Variants in KCTD8 observed in about 807,000 individuals in gnomAD.
KCTD8 encodes the protein potassium channel tetramerization domain containing 8, also known as BTB/POZ domain-containing protein KCTD8.
KCTD8 carries 27 observed loss-of-function variants against 31.5 expected under a neutral mutation model. That is an observed-to-expected ratio of 0.86 (90% CI 0.63 to 1.18). The LOEUF (loss-of-function observed/expected upper bound fraction) is 1.18, where lower values mean the gene tolerates loss of function less well. Ranked by LOEUF, KCTD8 falls within the 50% of genes most tolerant of loss-of-function variation. The pLI, the probability that KCTD8 is intolerant of heterozygous loss-of-function variation, is 0.00. For missense variants in KCTD8, 658 were observed against 647.7 expected (o/e 1.02, Z -0.17); for synonymous variants, 290 against 280.0 (o/e 1.04, Z -0.36).
chr4:44,194,448 G>C (rs1428420570), intron 1 of KCTD8, among the ~76,000 whole-genome samples: 1 of 152,120 alleles, frequency 6.6e-6, no homozygotes, highest in Admixed American at 6.5e-5. Flanking sequence ...GTTATGTCAG[G>C]GGTAAATTTG....
At chr4:44,375,506 C>G (rs1339119586) in intron 1 of KCTD8, among the ~76,000 whole-genome samples, 1 of 152,128 alleles carries the variant, frequency 6.6e-6, no homozygotes, top group East Asian at 1.9e-4. Flanking sequence ...TTCCTGGTTT[C>G]TCACTCGGTG....
intron 1 of KCTD8, among the ~76,000 whole-genome samples, chr4:44,431,760 G>A (rs1443549534): frequency 6.6e-6 from 1 of 151,444 alleles, no homozygotes; most frequent in African/African-American, 2.4e-5. Context: ...TGGGATTTGT[G>A]ACCCTAGCAT....
chr4:44,237,041 TAA>T (rs1180064401), intron 1 of KCTD8, among the ~76,000 whole-genome samples: 3 of 152,210 alleles, frequency 2.0e-5, no homozygotes, highest in Non-Finnish European at 4.4e-5. Flanking sequence ...TTTTTCTTTT[TAA>T]ATCACCCAGT....
At chr4:44,257,611 T>C (rs1427983676) in intron 1 of KCTD8, among the ~76,000 whole-genome samples, 1 of 152,056 alleles carries the variant, frequency 6.6e-6, no homozygotes, top group Non-Finnish European at 1.5e-5. Flanking sequence ...CTTAATATAG[T>C]ACTTTTAGCT....
At chr4:44,273,840 T>C (rs1716678536) in intron 1 of KCTD8, among the ~76,000 whole-genome samples, 1 of 151,938 alleles carries the variant, frequency 6.6e-6, no homozygotes, top group African/African-American at 2.4e-5. Context: ...TATAATTATC[T>C]TGTCAATATG....
chr4:44,425,070 A>G (rs1721313134), intron 1 of KCTD8, among the ~76,000 whole-genome samples: 2 of 152,030 alleles, frequency 1.3e-5, no homozygotes, highest in Non-Finnish European at 2.9e-5. Flanking sequence ...TCTGCAAGCC[A>G]CAAAGAGAGG....
chr4:44,175,210 T>G lies in KCTD8; in HGVS notation c.1002A>C (p.Glu334Asp). Residue 334 changes from glutamate to aspartate, a missense_variant, in exon 2 of 2, where the codon GAA becomes GAC. Transcript: ENST00000360029. The stretch of plus-strand genomic sequence containing the variant: ...CAGTGACTTTGTCATGTTTCCTATC[T>G]TCATGTTCTTGTTTAGGTGATACTA... The part of the protein sequence containing the change: ...QKIVSPKQEH[E>D]DRKHDKVTDK... The G allele has an allele frequency of 6.3e-7, 1 of 1,599,930 alleles. No homozygotes were observed. Among genetic ancestry groups the G allele is most frequent in the Non-Finnish European group, 8.5e-7 (1 of 1,173,700 alleles).
intron 1 of KCTD8, among the ~76,000 whole-genome samples, chr4:44,312,000 C>T (rs568536588): frequency 1.3e-5 from 2 of 152,010 alleles, no homozygotes; most frequent in East Asian, 3.9e-4. Flanking sequence ...TTTTATAGTG[C>T]CACTTTCCAC....
At chr4:44,183,879 C>G (rs954671074) in intron 1 of KCTD8, among the ~76,000 whole-genome samples, 1 of 152,160 alleles carries the variant, frequency 6.6e-6, no homozygotes, top group Non-Finnish European at 1.5e-5. Context: ...GTACTAAACT[C>G]AATGATGTGT....
chr4:44,364,812 A>G (rs1173241360), intron 1 of KCTD8, among the ~76,000 whole-genome samples: 2 of 152,150 alleles, frequency 1.3e-5, no homozygotes, highest in African/African-American at 2.4e-5. Flanking sequence ...AAAAGGCTAC[A>G]TGCATGTGAT....
At chr4:44,407,432 G>C (rs376539703) in intron 1 of KCTD8, among the ~76,000 whole-genome samples, 1 of 147,174 alleles carries the variant, frequency 6.8e-6, no homozygotes, top group African/African-American at 2.5e-5. Flanking sequence ...TTGTTGCCCA[G>C]ACTGAGTGCA....
At chr4:44,435,645 T>C (rs1394732815) in intron 1 of KCTD8, among the ~76,000 whole-genome samples, 1 of 152,068 alleles carries the variant, frequency 6.6e-6, no homozygotes, top group African/African-American at 2.4e-5. Flanking sequence ...CAACGATGTT[T>C]TTGCAGAAAT....
At chr4:44,247,005 T>TTTGTAGTA (rs1425226826) in intron 1 of KCTD8, among the ~76,000 whole-genome samples, 1 of 152,034 alleles carries the variant, frequency 6.6e-6, no homozygotes, top group Non-Finnish European at 1.5e-5. Context: ...ACTCCCATTA[T>TTTGTAGTA]TTGTAGTATT....
chr4:44,238,416 T>C (rs1293003835), intron 1 of KCTD8, among the ~76,000 whole-genome samples: 1 of 152,196 alleles, frequency 6.6e-6, no homozygotes, highest in East Asian at 1.9e-4. Context: ...ATCCAGACTG[T>C]AGCTTCATGA....
chr4:44,240,983 C>T (rs1715442201), intron 1 of KCTD8, among the ~76,000 whole-genome samples: 2 of 152,210 alleles, frequency 1.3e-5, no homozygotes, highest in African/African-American at 4.8e-5. Context: ...GGCAGAATCA[C>T]AGATGGTTTT....
At chr4:44,403,593 C>T (rs1040720815) in intron 1 of KCTD8, among the ~76,000 whole-genome samples, 2 of 152,096 alleles carry the variant, frequency 1.3e-5, no homozygotes, top group Non-Finnish European at 2.9e-5. Context: ...TCTTCACATG[C>T]ATTTCCTCTG....
chr4:44,369,077 G>A (rs909568889), intron 1 of KCTD8, among the ~76,000 whole-genome samples: 2 of 152,150 alleles, frequency 1.3e-5, no homozygotes, highest in African/African-American at 4.8e-5. Context: ...GGAAGACGTG[G>A]AATGAGAAGG....
intron 1 of KCTD8, among the ~76,000 whole-genome samples, chr4:44,329,051 G>A (rs1718525275): frequency 6.6e-6 from 1 of 151,738 alleles, no homozygotes; most frequent in African/African-American, 2.4e-5. Flanking sequence ...TCATGGTTAG[G>A]CACCATAAGA....
intron 1 of KCTD8, among the ~76,000 whole-genome samples, chr4:44,189,061 C>T (rs1713680227): frequency 6.6e-6 from 1 of 152,110 alleles, no homozygotes; most frequent in Non-Finnish European, 1.5e-5. Context: ...ATAATATTGT[C>T]CTTAATAACT....
Sources: allele counts gnomAD v4.1 joint callset (sites outside exome capture counted in the v4.1 genomes callset), GRCh38; gene constraint gnomAD v4.1.1; transcripts MANE v1.5; gene names NCBI Gene and HGNC (gene_info 2026-07-23, HGNC 2026-07-21).